Variants in OTOF observed in about 807,000 individuals in gnomAD.
The protein encoded by OTOF is fer-1-like family member 2.
A neutral mutation model predicts 236.8 loss-of-function variants in OTOF; 218 were observed. The ratio of observed to expected loss-of-function variants is 0.92; its 90% CI spans 0.82 to 1.03. The LOEUF is 1.03. OTOF is among the 50% of genes least tolerant of loss of function. The pLI is 0.00. For synonymous variants in OTOF, 1,041 were observed against 1,072.5 expected, an observed-to-expected ratio of 0.97 and a Z score of 0.57; for missense variants, 2,590 against 2,694.4, an observed-to-expected ratio of 0.96 and a Z score of 0.86.
rs80356570 is a variant in OTOF, at chr2:26,477,231, G to T, written c.2464C>A (p.Arg822=). 2 of 1,609,072 alleles carry T rather than the reference G, an allele frequency of 1.2e-6. No homozygotes were observed. Among genetic ancestry groups the T allele is most frequent in the Non-Finnish European group, 1.7e-6 (2 of 1,179,016 alleles). Residue 822 remains arginine (R), a synonymous_variant, in exon 21 of 47, where the codon CGG becomes AGG. Transcript: ENST00000272371. The surrounding 1 kb of genome is among the most constrained non-coding windows in gnomAD (Gnocchi z 4.7). ...LRAQVKRHTV[R]DKLRLCQNFL... ...TTCTGGCACAGCCTCAGCTTGTCCC[G>T]CACCGTGTGCCGCTTCACCTGGGCC... is the stretch of plus-strand genomic sequence containing the variant.
Position 26,474,501 on chromosome 2 carries a change from C to T in OTOF, c.3288+12G>A. ...GTCCCCAGGCCTCAGCCCCTCTTCC[C>T]TGCAGTCCCACCTGCAGCAGCTCGA... On this transcript the variant is annotated intron_variant, in intron 26 of 46. Transcript: ENST00000272371. 2 of 1,589,612 alleles carry T rather than the reference C, an allele frequency of 1.3e-6. No homozygotes were observed. The highest frequency in any genetic ancestry group is 1.7e-4 in the Middle Eastern group (1 of 5,960).
rs1156764622 is a variant in OTOF, at chr2:26,480,279, G to A, written c.1836C>T (p.Leu612=). ...SCAGKMEEFF[L]FGAFLEASMI... ...TTGAGGCCTCCAGGAAGGCTCCAAA[G>A]AGAAAGAATTCTTCCATTTTACCTG... The change falls in exon 16 of 47, where the codon CTC becomes CTT. Residue 612 remains leucine, a synonymous_variant. Transcript: ENST00000272371. 30 of 1,612,062 alleles carry A rather than the reference G, an allele frequency of 1.9e-5. No homozygotes were observed. Among genetic ancestry groups the A allele is most frequent in the Non-Finnish European group, 2.3e-5 (27 of 1,179,018 alleles).
chr2:26,462,934 C>T lies in OTOF; in HGVS notation c.5192+549G>A, dbSNP rs1156634534. 1.3e-5 allele frequency among the ~76,000 whole-genome samples: 2 copies of T among 152,162 alleles called. No individual in the cohort carries two copies. Among genetic ancestry groups the T allele is most frequent in the Non-Finnish European group, 2.9e-5 (2 of 68,036 alleles). On this transcript the variant is annotated intron_variant, in intron 41 of 46. Coordinates refer to ENST00000272371, the MANE Select transcript of OTOF (RefSeq NM_194248.3). This position sits in a 1 kb window ranked among gnomAD's most constrained non-coding sequence, Gnocchi z 4.7. ...AACCTGCCGCTTTATGGATGGGAAA[C>T]CCGGGTTCTTTTCACTCTACCACCT...
In OTOF at chr2:26,473,335, G is replaced by T; in HGVS notation, c.3571-41C>A. 6.2e-7 allele frequency: 1 copy of T among 1,613,236 alleles called. No homozygotes were observed. Among genetic ancestry groups the T allele is most frequent in the Non-Finnish European group, 8.5e-7 (1 of 1,179,902 alleles). On this transcript the variant is annotated intron_variant, in intron 28 of 46. Transcript: ENST00000272371. This position sits in a 1 kb window ranked among gnomAD's most constrained non-coding sequence, Gnocchi z 7.2. ...CAGGAGCCTGAGCCTCCAAGAAGGG[G>T]CAGAGGAAGCCGGCTGGCTGAGTGG...
Position 26,519,086 on chromosome 2 carries a change from A to G in OTOF, c.251T>C (p.Val84Ala), listed in dbSNP as rs727505096. Residue 84 changes from valine to alanine, a missense_variant, in exon 4 of 47, where the codon GTG becomes GCG. Coordinates refer to ENST00000272371, the MANE Select transcript of OTOF (RefSeq NM_194248.3). ...SNKLIGTFRM[V>A]LQKVVEESHV... The stretch of plus-strand genomic sequence containing the variant: ...GCTCTCCTCTACCACCTTCTGCAGC[A>G]CCATGCGGAAGGTCCCGATGAGCCT... 6 of 1,604,646 alleles carry G rather than the reference A, an allele frequency of 3.7e-6. No homozygotes were observed. Among genetic ancestry groups the G allele is most frequent in the Middle Eastern group, 1.6e-4 (1 of 6,068 alleles).
At chr2:26,469,775 A>G (rs1664893573) in intron 32 of OTOF, among the ~76,000 whole-genome samples, 1 of 152,254 alleles carries the variant, frequency 6.6e-6, no homozygotes, top group Non-Finnish European at 1.5e-5. Context: ...AACTTGCTAC[A>G]GCAGCTTAAT....
At chr2:26,535,445 G>T (rs1469239730) in intron 2 of OTOF, among the ~76,000 whole-genome samples, 2 of 152,128 alleles carry the variant, frequency 1.3e-5, no homozygotes, top group African/African-American at 4.8e-5. Flanking sequence ...AGTGCGGGAT[G>T]GCCTGAGCAT....
intron 5 of OTOF, among the ~76,000 whole-genome samples, chr2:26,504,823 C>G (rs1399057019): frequency 6.6e-6 from 1 of 152,190 alleles, no homozygotes; most frequent in Non-Finnish European, 1.5e-5. Context: ...CTCTCCACTT[C>G]CCGTTCTCCC....
In OTOF at chr2:26,476,871, C is replaced by G. The variant is rs890867522; in HGVS notation, c.2676+20G>C. The G allele has an allele frequency of 1.2e-6, 2 of 1,604,262 alleles. No homozygotes were observed. The highest frequency in any genetic ancestry group is 2.7e-5 in the African/African-American group (2 of 74,862). On this transcript the variant is annotated intron_variant, in intron 22 of 46. Coordinates refer to ENST00000272371, the MANE Select transcript of OTOF (RefSeq NM_194248.3). The stretch of plus-strand genomic sequence containing the variant: ...CCCTGAAAGGACCCAGGCCCCCATC[C>G]ATCCTGCCCCCTCCAGCACCTTAAG...
chr2:26,489,983 A>G (rs930000054), intron 9 of OTOF, among the ~76,000 whole-genome samples: 2 of 152,186 alleles, frequency 1.3e-5, no homozygotes, highest in Non-Finnish European at 2.9e-5. Context: ...TGGGAAAGGA[A>G]CTTGGAACAG....
At chr2:26,491,664 G>C (rs574724901) in intron 9 of OTOF, among the ~76,000 whole-genome samples, 16 of 152,194 alleles carry the variant, frequency 1.1e-4, no homozygotes, top group Non-Finnish European at 2.1e-4. Context: ...AAGATGCCCA[G>C]GGCGGGGCCA....
intron 8 of OTOF, among the ~76,000 whole-genome samples, chr2:26,498,963 G>A (rs1666053897): frequency 6.6e-6 from 1 of 152,178 alleles, no homozygotes; most frequent in Admixed American, 6.5e-5. Context: ...TGAGGGCAGG[G>A]AGACCAGGTA....
At chr2:26,534,078 T>C (rs1335843511) in intron 2 of OTOF, among the ~76,000 whole-genome samples, 1 of 152,132 alleles carries the variant, frequency 6.6e-6, no homozygotes, top group Non-Finnish European at 1.5e-5. Flanking sequence ...CAAATGACCA[T>C]AGGTCCTGGA....
At position 26,473,851 on chromosome 2, in the gene OTOF, C is replaced by A; in HGVS notation, c.3408+140G>T. 8.6e-7 allele frequency: 1 copy of A among 1,165,392 alleles called. No individual in the cohort carries two copies. The highest frequency in any genetic ancestry group is 1.3e-6 in the Non-Finnish European group (1 of 785,130). 72.2% of individuals were successfully genotyped at this position (1,165,392 alleles called of 1,614,324 possible). On this transcript the variant is annotated intron_variant, in intron 27 of 46. Coordinates refer to ENST00000272371, the MANE Select transcript of OTOF (RefSeq NM_194248.3). This position sits in a 1 kb window ranked among gnomAD's most constrained non-coding sequence, Gnocchi z 7.2. ...GAGTGCGACTTGGTGCAGATGGGGG[C>A]AGGCCCTGGGCTGGGGCAGGAGCCT...
intron 5 of OTOF, among the ~76,000 whole-genome samples, chr2:26,509,569 A>G (rs954159320): frequency 1.3e-5 from 2 of 152,206 alleles, no homozygotes; most frequent in South Asian, 2.1e-4. Context: ...TCTTAATGCC[A>G]GTGGATATCC....
chr2:26,512,821 C>G (rs1666423373), intron 5 of OTOF, among the ~76,000 whole-genome samples: 1 of 152,264 alleles, frequency 6.6e-6, no homozygotes, highest in East Asian at 1.9e-4. Context: ...GGCTGAGCAC[C>G]TGCCACATGC....
chr2:26,531,922 G>T (rs984484673), intron 2 of OTOF, among the ~76,000 whole-genome samples: 3 of 151,698 alleles, frequency 2.0e-5, no homozygotes, highest in Non-Finnish European at 4.4e-5. Context: ...GGTGAAACAC[G>T]GTCTCTACTA....
intron 11 of OTOF, among the ~76,000 whole-genome samples, chr2:26,486,383 T>C (rs564062567): frequency 6.6e-6 from 1 of 151,918 alleles, no homozygotes; most frequent in Admixed American, 6.5e-5. Flanking sequence ...CGTGAATGGA[T>C]GGATACATGG....
In OTOF at chr2:26,460,512, A is replaced by T. The variant is rs539461368; in HGVS notation, c.5813+135T>A. 162 of 755,816 alleles carry T rather than the reference A, an allele frequency of 2.1e-4. No homozygotes were observed. In the African/African-American group the frequency reaches 2.6e-3, roughly 12 times the overall value. 46.8% of individuals were successfully genotyped at this position (755,816 alleles called of 1,614,324 possible). On this transcript the variant is annotated intron_variant, in intron 45 of 46. Transcript: ENST00000272371. The surrounding 1 kb of genome is among the most constrained non-coding windows in gnomAD (Gnocchi z 5.3). ...GGACGTTGTGGGATTCAGGGTTGGC[A>T]GAGGGCAGGGAGGAGGCTCCCCTGT...
Sources: allele counts gnomAD v4.1 joint callset (sites outside exome capture counted in the v4.1 genomes callset), GRCh38; gene constraint gnomAD v4.1.1; non-coding constraint Gnocchi (gnomAD v3.1); transcripts MANE v1.5; gene names NCBI Gene and HGNC (gene_info 2026-07-23, HGNC 2026-07-21).